The following KCNQ5 variants were observed in gnomAD, a reference collection of about 807,000 sequenced individuals.
KCNQ5 encodes the protein potassium voltage-gated channel subfamily KQT member 5.
KCNQ5 carries 30 observed loss-of-function variants against 98.2 expected under a neutral mutation model. The observed-to-expected ratio is 0.31, with a 90% CI of 0.23 to 0.41. The LOEUF is 0.41. Ranked by LOEUF, KCNQ5 falls within the 10% of genes least tolerant of loss-of-function variation. The probability of loss-of-function intolerance (pLI) is 1.00; values close to 1 mark genes in which losing one functional copy is unlikely to be tolerated. For missense variants in KCNQ5, 835 were observed against 1,182.5 expected, an observed-to-expected ratio of 0.71 and a Z score of 4.31; for synonymous variants, 458 against 449.4, an observed-to-expected ratio of 1.02 and a Z score of -0.24.
chr6:72,741,954 CTT>C (rs1771150117), intron 1 of KCNQ5, among the ~76,000 whole-genome samples: 1 of 152,224 alleles, frequency 6.6e-6, no homozygotes, highest in Non-Finnish European at 1.5e-5. Context: ...TTAGGGGTCA[CTT>C]AATACCAGAT....
At chr6:72,916,666 G>T (rs1199769747) in intron 1 of KCNQ5, among the ~76,000 whole-genome samples, 1 of 152,286 alleles carries the variant, frequency 6.6e-6, no homozygotes, top group East Asian at 1.9e-4. Flanking sequence ...CACGGGGGTA[G>T]AATTGAATTC....
chr6:73,177,210 G>T (rs1778244978), intron 11 of KCNQ5, among the ~76,000 whole-genome samples: 1 of 152,210 alleles, frequency 6.6e-6, no homozygotes, highest in Admixed American at 6.5e-5. Flanking sequence ...AAATTCAGTA[G>T]AAGGAAAAGG....
At position 73,183,111 on chromosome 6, in the gene KCNQ5, A is replaced by G. The variant is rs9446862; in HGVS notation, c.1578-7462A>G. On this transcript the variant is annotated intron_variant, in intron 11 of 13. Transcript: ENST00000370398. Reference sequence around the variant, plus strand: ...ATGTGGCCTTGGATTCATTTGTGTGAGAATGTCAGAGCATACAAGGCAGAG... The same window carrying G: ...ATGTGGCCTTGGATTCATTTGTGTGGGAATGTCAGAGCATACAAGGCAGAG... Among the ~76,000 whole-genome samples, 1,126 of 152,318 alleles carry G rather than the reference A, an allele frequency of 7.4e-3. 15 individuals carry two copies. Among genetic ancestry groups the G allele is most frequent in the African/African-American group, 0.026 (1,061 of 41,564 alleles).
chr6:72,812,826 G>A (rs113949900), intron 1 of KCNQ5, among the ~76,000 whole-genome samples: 4 of 152,162 alleles, frequency 2.6e-5, no homozygotes, highest in African/African-American at 7.2e-5. Flanking sequence ...TACAAAATAA[G>A]CAGCAAGTCA....
intron 1 of KCNQ5, among the ~76,000 whole-genome samples, chr6:72,770,606 A>G (rs892735121): frequency 2.0e-5 from 3 of 152,150 alleles, no homozygotes; most frequent in African/African-American, 7.2e-5. Flanking sequence ...TTATTTCGAG[A>G]AAGAAAACAT....
intron 1 of KCNQ5, among the ~76,000 whole-genome samples, chr6:72,980,631 T>G (rs984009867): frequency 6.6e-6 from 1 of 152,188 alleles, no homozygotes; most frequent in Non-Finnish European, 1.5e-5. Context: ...AGCGACAATT[T>G]GACTTCCTCT....
chr6:72,622,736 C>T lies in KCNQ5; in HGVS notation c.398+149C>T. ...TTCGCACGTGTTCGTGGTCTTCCTT[C>T]TGGAGCCTCTCCCCTCCCCCAGCCC... On this transcript the variant is annotated intron_variant, in intron 1 of 13. Coordinates refer to ENST00000370398, the MANE Select transcript of KCNQ5 (RefSeq NM_019842.4). This position sits in a 1 kb window ranked among gnomAD's most constrained non-coding sequence, Gnocchi z 6.0. 1 of 771,224 alleles carries T rather than the reference C, an allele frequency of 1.3e-6. No individual in the cohort carries two copies. Among genetic ancestry groups the T allele is most frequent in the South Asian group, 1.8e-5 (1 of 55,004 alleles). 47.8% of individuals were successfully genotyped at this position (771,224 alleles called of 1,614,324 possible).
chr6:72,741,149 T>C (rs1370777497), intron 1 of KCNQ5, among the ~76,000 whole-genome samples: 1 of 152,212 alleles, frequency 6.6e-6, no homozygotes, highest in Non-Finnish European at 1.5e-5. Context: ...AAAAGCTGAA[T>C]AGGCAACGAG....
At chr6:72,893,908 C>T (rs1328487259) in intron 1 of KCNQ5, among the ~76,000 whole-genome samples, 1 of 152,178 alleles carries the variant, frequency 6.6e-6, no homozygotes, top group Non-Finnish European at 1.5e-5. Context: ...CCTAAACCCA[C>T]AGCTCCTAGC....
intron 1 of KCNQ5, among the ~76,000 whole-genome samples, chr6:72,839,056 G>A (rs916770418): frequency 1.3e-4 from 20 of 150,696 alleles, no homozygotes; most frequent in African/African-American, 4.9e-4. Flanking sequence ...TTTTTACATA[G>A]GACTGAGTCC....
chr6:72,985,849 CAT>C (rs1768748153), intron 1 of KCNQ5, among the ~76,000 whole-genome samples: 2 of 152,286 alleles, frequency 1.3e-5, no homozygotes, highest in East Asian at 3.9e-4. Context: ...ACCAAAAAGA[CAT>C]ATGTACTCCT....
chr6:73,116,539 C>T (rs1178744317), intron 7 of KCNQ5, among the ~76,000 whole-genome samples: 1 of 152,082 alleles, frequency 6.6e-6, no homozygotes, highest in African/African-American at 2.4e-5. Flanking sequence ...ATGGCACACA[C>T]CTGTAGTCCT....
intron 1 of KCNQ5, among the ~76,000 whole-genome samples, chr6:72,742,308 A>C (rs1771168621): frequency 6.6e-6 from 1 of 152,244 alleles, no homozygotes; most frequent in Non-Finnish European, 1.5e-5. Context: ...AACTTAATGC[A>C]GTGAAACTTT....
chr6:73,195,492 A>G lies in KCNQ5; in HGVS notation c.*78A>G. 1 of 1,508,532 alleles carries G rather than the reference A, an allele frequency of 6.6e-7. No individual in the cohort carries two copies. Among genetic ancestry groups the G allele is most frequent in the Non-Finnish European group, 8.9e-7 (1 of 1,128,412 alleles). The allele number at this position is 1,508,532 out of a possible 1,614,324, so 93.4% of individuals were successfully genotyped here. ...CATGAACTATTTCGAAAGCCCTTCT[A>G]AAAAGTTGAAATTGCAAGAATCGGG... On this transcript the variant is annotated 3_prime_UTR_variant, in exon 14 of 14. Transcript: ENST00000370398.
chr6:72,693,272 G>A (rs1407511997), intron 1 of KCNQ5, among the ~76,000 whole-genome samples: 4 of 152,148 alleles, frequency 2.6e-5, no homozygotes, highest in Non-Finnish European at 5.9e-5. Context: ...GGAGTGTTTA[G>A]AGAGTTAGAA....
chr6:73,008,059 G>A (rs982168824), intron 2 of KCNQ5, among the ~76,000 whole-genome samples: 1 of 151,976 alleles, frequency 6.6e-6, no homozygotes, highest in Non-Finnish European at 1.5e-5. Context: ...ACTTTAGGAT[G>A]TTAATTTAAT....
intron 1 of KCNQ5, among the ~76,000 whole-genome samples, chr6:72,685,846 A>G (rs775368758): frequency 1.3e-4 from 20 of 152,344 alleles, no homozygotes; most frequent in African/African-American, 3.8e-4. Context: ...AGAAAATACC[A>G]TTGCTGAGTG....
chr6:73,140,432 G>A (rs1233633592), intron 10 of KCNQ5, among the ~76,000 whole-genome samples: 1 of 152,102 alleles, frequency 6.6e-6, no homozygotes, highest in Non-Finnish European at 1.5e-5. Flanking sequence ...ATGCTTCCTG[G>A]CACTTTCTGA....
rs187485027 is a variant in KCNQ5, at chr6:73,114,695, C to A, written c.1125+3292C>A. ...GCCTAGGAGGAGCTAGGACTCAAATCCCTGCTGTCTGAATCTGAATCCATT... is the reference window on the plus strand; with the variant it reads ...GCCTAGGAGGAGCTAGGACTCAAATACCTGCTGTCTGAATCTGAATCCATT... On this transcript the variant is annotated intron_variant, in intron 7 of 13. Transcript: ENST00000370398. Among the ~76,000 whole-genome samples the A allele has an allele frequency of 2.8e-4, 42 of 152,240 alleles. No homozygotes were observed. In the East Asian group the frequency reaches 8.1e-3, roughly 29 times the overall value.
Sources: allele counts gnomAD v4.1 joint callset (sites outside exome capture counted in the v4.1 genomes callset), GRCh38; gene constraint gnomAD v4.1.1; non-coding constraint Gnocchi (gnomAD v3.1); transcripts MANE v1.5; gene names NCBI Gene and HGNC (gene_info 2026-07-23, HGNC 2026-07-21).